Variants in HTR4 observed in about 807,000 individuals in gnomAD.
HTR4 encodes 5-hydroxytryptamine (serotonin) receptor 4, G protein-coupled.
In HTR4, 16 loss-of-function variants were observed where a neutral mutation model predicts 36.8. The ratio of observed to expected loss-of-function variants is 0.43; its 90% CI spans 0.29 to 0.66. The LOEUF (loss-of-function observed/expected upper bound fraction) is 0.66. HTR4 is among the 30% of genes least tolerant of loss of function. HTR4 has a pLI of 0.13. For synonymous variants in HTR4, 189 were observed against 185.1 expected (o/e 1.02, Z -0.17); for missense variants, 438 against 490.9 (o/e 0.89, Z 1.02).
rs948474176 is a variant in HTR4, at chr5:148,505,708, A to G, written c.1076+3748T>C. Among the ~76,000 whole-genome samples the G allele has an allele frequency of 3.9e-5, 6 of 152,192 alleles. No homozygotes were observed. In the South Asian group the frequency reaches 8.3e-4, roughly 21 times the overall value. ...TACAAAATCAATGTGCAAAAATCAC[A>G]AGCATTCTTATACACCAATAACAGA... On this transcript the variant is annotated intron_variant, in intron 6 of 6. Transcript: ENST00000377888.
chr5:148,499,194 C>A (rs1207030277), intron 6 of HTR4, among the ~76,000 whole-genome samples: 4 of 152,082 alleles, frequency 2.6e-5, no homozygotes, highest in African/African-American at 9.7e-5. Context: ...GATCATAATA[C>A]CTTACTTCTT....
intron 4 of HTR4, among the ~76,000 whole-genome samples, chr5:148,528,997 C>T (rs574414010): frequency 6.7e-6 from 1 of 149,248 alleles, no homozygotes; most frequent in Admixed American, 6.7e-5. Context: ...TTTGCACCAA[C>T]CTAACACTTT....
intron 2 of HTR4, among the ~76,000 whole-genome samples, chr5:148,603,885 C>T (rs1752027204): frequency 6.6e-6 from 1 of 151,892 alleles, no homozygotes; most frequent in Non-Finnish European, 1.5e-5. Context: ...ATAGCCCCAC[C>T]CGTAATCATC....
chr5:148,540,839 A>C (rs1759086040), intron 4 of HTR4, among the ~76,000 whole-genome samples: 1 of 152,090 alleles, frequency 6.6e-6, no homozygotes, highest in African/African-American at 2.4e-5. Flanking sequence ...CAGGGCTGGA[A>C]GGCTAAGGAT....
At chr5:148,460,221 T>C (rs892819648) in intron 5 of HTR4, among the ~76,000 whole-genome samples, 1 of 151,724 alleles carries the variant, frequency 6.6e-6, no homozygotes, top group African/African-American at 2.4e-5. Context: ...GAAGAAATAT[T>C]TCATGGAGAA....
intron 2 of HTR4, among the ~76,000 whole-genome samples, chr5:148,607,599 T>C (rs1031892717): frequency 3.0e-4 from 46 of 152,332 alleles, no homozygotes; most frequent in African/African-American, 1.0e-3. Flanking sequence ...GTGGGCACCA[T>C]GTGCCTCCAG....
At chr5:148,529,354 C>A (rs569999898) in intron 4 of HTR4, among the ~76,000 whole-genome samples, 1 of 152,168 alleles carries the variant, frequency 6.6e-6, no homozygotes, top group African/African-American at 2.4e-5. Context: ...TGGGAGGGAC[C>A]AAGTGGGAGG....
At chr5:148,595,687 C>T (rs964718295) in intron 2 of HTR4, among the ~76,000 whole-genome samples, 1 of 151,954 alleles carries the variant, frequency 6.6e-6, no homozygotes, top group Non-Finnish European at 1.5e-5. Context: ...ATCATCTTGC[C>T]GTAAGCAATT....
At chr5:148,569,437 C>T (rs1277629541) in intron 2 of HTR4, among the ~76,000 whole-genome samples, 2 of 151,984 alleles carry the variant, frequency 1.3e-5, no homozygotes, top group African/African-American at 4.8e-5. Flanking sequence ...TTGATAGGTG[C>T]AGCAAACCAC....
chr5:148,615,240 T>C (rs1232815099), intron 2 of HTR4, among the ~76,000 whole-genome samples: 2 of 152,146 alleles, frequency 1.3e-5, no homozygotes, highest in Non-Finnish European at 2.9e-5. Context: ...CGTATGTTTA[T>C]TGCAGCATTA....
In HTR4 at chr5:148,594,432, A is replaced by T. The variant is rs116252183; in HGVS notation, c.26+42557T>A. 1.5e-3 allele frequency among the ~76,000 whole-genome samples: 225 copies of T among 152,180 alleles called. 2 individuals are homozygous for T. The highest frequency in any genetic ancestry group is 5.1e-3 in the African/African-American group (213 of 41,522). On this transcript the variant is annotated intron_variant, in intron 2 of 6. Transcript: ENST00000377888. ...GTGTAATTCATTGGGAAAAGCAATA[A>T]AATAATAAAATATTATAGCTGAAAG...
At chr5:148,549,718 T>G (rs1236575287) in intron 3 of HTR4, among the ~76,000 whole-genome samples, 1 of 152,196 alleles carries the variant, frequency 6.6e-6, no homozygotes, top group Non-Finnish European at 1.5e-5. Flanking sequence ...TTTTTCAAAG[T>G]GCTTCAGGTG....
chr5:148,455,462 C>T (rs1755078767), intron 5 of HTR4, among the ~76,000 whole-genome samples: 1 of 152,200 alleles, frequency 6.6e-6, no homozygotes, highest in Non-Finnish European at 1.5e-5. Context: ...TCCTCATAAG[C>T]ATCTGTTTCT....
chr5:148,509,411 G>A, intron 6 of HTR4, 45 bp downstream of exon 6: 1 of 1,430,086 alleles, frequency 7.0e-7, no homozygotes, highest in East Asian at 2.3e-5. Context: ...CCCCTTCTGA[G>A]TAATACAAAT....
intron 2 of HTR4, among the ~76,000 whole-genome samples, chr5:148,609,126 C>T (rs767651475): frequency 2.0e-5 from 3 of 152,244 alleles, no homozygotes; most frequent in Non-Finnish European, 2.9e-5. Context: ...GGGACCCCCT[C>T]GTTGCCTAAA....
At chr5:148,553,177 A>G (rs1759780677) in intron 2 of HTR4, among the ~76,000 whole-genome samples, 1 of 152,212 alleles carries the variant, frequency 6.6e-6, no homozygotes, top group Non-Finnish European at 1.5e-5. Flanking sequence ...TGCATGAGAC[A>G]GTATGTAAGG....
intron 4 of HTR4, among the ~76,000 whole-genome samples, chr5:148,529,271 C>A (rs775011765): frequency 1.3e-5 from 2 of 152,062 alleles, no homozygotes; most frequent in Non-Finnish European, 2.9e-5. Flanking sequence ...TCCTCAAGTC[C>A]TCTGATATGG....
At chr5:148,546,689 C>A (rs1035979697) in intron 4 of HTR4, among the ~76,000 whole-genome samples, 1 of 152,170 alleles carries the variant, frequency 6.6e-6, no homozygotes, top group African/African-American at 2.4e-5. Context: ...TTTACACAGG[C>A]CTTGAGGTTA....
intron 4 of HTR4, among the ~76,000 whole-genome samples, chr5:148,546,712 CT>C (rs1759400369): frequency 6.6e-6 from 1 of 152,198 alleles, no homozygotes; most frequent in South Asian, 2.1e-4. Flanking sequence ...TCAGCTGCCC[CT>C]ATCACCCCTG....
Sources: gnomAD v4.1 joint callset for allele counts (sites outside exome capture counted in the v4.1 genomes callset) on GRCh38, gnomAD v4.1.1 for gene constraint, MANE v1.5 for transcripts, NCBI Gene and HGNC (gene_info 2026-07-23, HGNC 2026-07-21) for gene names.